Variants in TAF5L observed in about 807,000 individuals in gnomAD.
TAF5L encodes the protein TATA-box binding protein associated factor 5 like.
In TAF5L, 7 loss-of-function variants were observed where a neutral mutation model predicts 51.3. The observed-to-expected ratio is 0.14, with a 90% confidence interval of 0.08 to 0.26. The LOEUF (loss-of-function observed/expected upper bound fraction) is 0.26. Among genes scored for constraint, TAF5L ranks in the 10% least tolerant of loss-of-function variants. TAF5L has a pLI of 1.00. For synonymous variants in TAF5L, 291 were observed against 308.1 expected (o/e 0.94, Z 0.58); for missense variants, 575 against 758.9 (o/e 0.76, Z 2.85).
chr1:229,622,918 A>G (rs1459388515), intron 1 of TAF5L, among the ~76,000 whole-genome samples: 1 of 152,196 alleles, frequency 6.6e-6, no homozygotes, highest in Non-Finnish European at 1.5e-5. Flanking sequence ...TAAACATAAT[A>G]CTATACTACT....
chr1:229,602,001 C>T lies in TAF5L; in HGVS notation c.972+194G>A, dbSNP rs1664394074. 2 of 1,414,274 alleles carry T rather than the reference C, an allele frequency of 1.4e-6. No individual in the cohort carries two copies. The highest frequency in any genetic ancestry group is 3.0e-5 in the Admixed American group (1 of 33,704). The allele number at this position is 1,414,274 out of a possible 1,614,324, so 87.6% of individuals were successfully genotyped here. ...ATTCATTAATAAGAAGTTAATGCTG[C>T]TAAAAATTGTTTTTGCATCTTAGGT... is the stretch of plus-strand genomic sequence containing the variant. On this transcript the variant is annotated intron_variant, in intron 4 of 4. Coordinates refer to ENST00000258281, the Ensembl canonical transcript of TAF5L. The surrounding 1 kb of genome is among the most constrained non-coding windows in gnomAD (Gnocchi z 4.6).
At chr1:229,618,091 G>A (rs1174581746) in intron 1 of TAF5L, among the ~76,000 whole-genome samples, 1 of 152,072 alleles carries the variant, frequency 6.6e-6, no homozygotes, top group African/African-American at 2.4e-5. Context: ...CCTCCACCCA[G>A]ACTGATTTCC....
At chr1:229,611,021 G>A (rs1012861850) in intron 2 of TAF5L, among the ~76,000 whole-genome samples, 5 of 151,974 alleles carry the variant, frequency 3.3e-5, no homozygotes, top group Non-Finnish European at 7.4e-5. Context: ...GCTGTCTTAC[G>A]GTGAGGCACT....
At chr1:229,616,226 C>T (rs1664996591) in intron 1 of TAF5L, among the ~76,000 whole-genome samples, 1 of 152,104 alleles carries the variant, frequency 6.6e-6, no homozygotes, top group Non-Finnish European at 1.5e-5. Flanking sequence ...GTTGGCCAGG[C>T]TGGTCTCGAA....
intron 2 of TAF5L, among the ~76,000 whole-genome samples, 194 bp from the exon 3 acceptor site, chr1:229,610,404 T>C (rs1462341772): frequency 6.6e-6 from 1 of 152,148 alleles, no homozygotes; most frequent in African/African-American, 2.4e-5. Flanking sequence ...CCCTCCCTCC[T>C]GAAGCCCAAT....
At chr1:229,603,998 G>A (rs1487559182) in intron 3 of TAF5L, among the ~76,000 whole-genome samples, 1 of 152,212 alleles carries the variant, frequency 6.6e-6, no homozygotes, top group African/African-American at 2.4e-5. Flanking sequence ...CATTCACTCA[G>A]TGTTATTTTC....
rs1664278266 is a variant in TAF5L, at chr1:229,599,402, T to A, written c.972+2793A>T. On this transcript the variant is annotated intron_variant, in intron 4 of 4. Coordinates refer to ENST00000258281, the Ensembl canonical transcript of TAF5L. ...CACTATCTAATACAGAACATTTTCA[T>A]TACCTCACAAAGAAATGCCACACCC... The A allele has an allele frequency of 2.6e-5, 5 of 191,488 alleles. No homozygotes were observed. In the Admixed American group the frequency reaches 3.3e-4, roughly 13 times the overall value. The allele number at this position is 191,488 out of a possible 1,614,324, so 11.9% of individuals were successfully genotyped here. A position where few individuals can be genotyped will look rare whatever the true frequency, so the allele number is the denominator to read the frequency against.
At chr1:229,611,102 T>G (rs1367694012) in intron 2 of TAF5L, among the ~76,000 whole-genome samples, 5 of 152,082 alleles carry the variant, frequency 3.3e-5, no homozygotes, top group Non-Finnish European at 7.4e-5. Flanking sequence ...CTTTTCGTCT[T>G]TCTTCTTGGG....
At chr1:229,604,295 C>A (rs1447205981) in intron 3 of TAF5L, among the ~76,000 whole-genome samples, 1 of 151,740 alleles carries the variant, frequency 6.6e-6, no homozygotes. Flanking sequence ...CTGCTTAACA[C>A]CCTATTTCAC....
chr1:229,607,385 C>G (rs1207702423), intron 3 of TAF5L: 4 of 985,456 alleles, frequency 4.1e-6, no homozygotes, highest in Non-Finnish European at 4.8e-6. Flanking sequence ...TGCTTTCAGA[C>G]TAATATTCAT....
chr1:229,619,052 A>G (rs1665109728), intron 1 of TAF5L, among the ~76,000 whole-genome samples: 2 of 152,154 alleles, frequency 1.3e-5, no homozygotes, highest in Admixed American at 1.3e-4. Flanking sequence ...TATGTTTATA[A>G]CAGAAGAAAA....
chr1:229,606,056 T>C (rs1664586050), intron 3 of TAF5L: 3 of 789,464 alleles, frequency 3.8e-6, no homozygotes, highest in Admixed American at 6.2e-5. Context: ...GGCATTTCAA[T>C]TGAGTAAGTT....
At chr1:229,606,175 G>A in intron 3 of TAF5L, 1 of 985,326 alleles carries the variant, frequency 1.0e-6, no homozygotes, top group Non-Finnish European at 1.2e-6. Context: ...GCTCTCTCTT[G>A]TCTGAAGAGA....
In TAF5L at chr1:229,603,988, C is replaced by A. The variant is rs371398745; in HGVS notation, c.248-1069G>T. ...TAGTTCTGGCAAAATCCATCCGTTACATTCACTCAGTGTTATTTTCAACTT... is the reference window on the plus strand; with the variant it reads ...TAGTTCTGGCAAAATCCATCCGTTAAATTCACTCAGTGTTATTTTCAACTT... On this transcript the variant is annotated intron_variant, in intron 3 of 4. Coordinates refer to ENST00000258281, the Ensembl canonical transcript of TAF5L. 4.6e-5 allele frequency among the ~76,000 whole-genome samples: 7 copies of A among 152,330 alleles called. No individual in the cohort carries two copies. The East Asian group carries it at 1.3e-3, about 29-fold the overall frequency.
chr1:229,611,535 C>T (rs999616650), intron 2 of TAF5L, among the ~76,000 whole-genome samples: 1 of 152,150 alleles, frequency 6.6e-6, no homozygotes, highest in African/African-American at 2.4e-5. Context: ...AAGGAAGAGA[C>T]AGTCAGAAGA....
intron 3 of TAF5L, chr1:229,607,476 GTTAT>G (rs1664639259): frequency 1.0e-6 from 1 of 985,218 alleles, no homozygotes; most frequent in African/African-American, 1.7e-5. Context: ...TTTTGCTCAT[GTTAT>G]TTCTTACCCA....
At chr1:229,600,861 T>C (rs1664347405) in intron 4 of TAF5L, 7 of 984,578 alleles carry the variant, frequency 7.1e-6, no homozygotes, top group Non-Finnish European at 8.4e-6. Context: ...TAATTTTTAA[T>C]GCACAGAATA....
At chr1:229,623,313 C>T (rs1665294044) in intron 1 of TAF5L, among the ~76,000 whole-genome samples, 1 of 152,224 alleles carries the variant, frequency 6.6e-6, no homozygotes, top group African/African-American at 2.4e-5. Context: ...CTTTCTACTG[C>T]CTCCACTAGT....
chr1:229,594,385 C>G lies in TAF5L; in HGVS notation c.1682G>C (p.Gly561Ala). 1 of 1,614,140 alleles carries G rather than the reference C, an allele frequency of 6.2e-7. No individual in the cohort carries two copies. Among genetic ancestry groups the G allele is most frequent in the South Asian group, 1.1e-5 (1 of 91,076 alleles). ...CACGCTCAGGACGTTGCTCATCTGCCCGGTGTACACGCCCACGAGCTCGCT... is the reference window on the plus strand; with the variant it reads ...CACGCTCAGGACGTTGCTCATCTGCGCGGTGTACACGCCCACGAGCTCGCT... The change falls in exon 5 of 5, where the codon GGG becomes GCG. Residue 561 changes from glycine to alanine, a missense_variant. Coordinates refer to ENST00000258281, the Ensembl canonical transcript of TAF5L. This position sits in a 1 kb window ranked among gnomAD's most constrained non-coding sequence, Gnocchi z 7.9.
Sources: allele counts gnomAD v4.1 joint callset (sites outside exome capture counted in the v4.1 genomes callset), GRCh38; gene constraint gnomAD v4.1.1; non-coding constraint Gnocchi (gnomAD v3.1); transcripts MANE v1.5; gene names NCBI Gene and HGNC (gene_info 2026-07-23, HGNC 2026-07-21).